Variants in GJB7 observed in about 807,000 individuals in gnomAD.
GJB7 encodes gap junction protein beta 7.
For missense variants in GJB7, 253 were observed against 256.8 expected, an observed-to-expected ratio of 0.99 and a Z score of 0.10; for synonymous variants, 87 against 95.2, an observed-to-expected ratio of 0.91 and a Z score of 0.50.
At chr6:87,314,231 A>C (rs1159607262) in intron 2 of GJB7, among the ~76,000 whole-genome samples, 2 of 152,092 alleles carry the variant, frequency 1.3e-5, no homozygotes, top group African/African-American at 4.8e-5. Context: ...TCACTGACTT[A>C]TTTGCTTCTC....
At chr6:87,299,776 G>C (rs1776294545) in intron 2 of GJB7, 1 of 162,500 alleles carries the variant, frequency 6.2e-6, no homozygotes, top group Admixed American at 6.4e-5. Flanking sequence ...TCGTAACTTA[G>C]AAAAAGTTGG....
In GJB7 at chr6:87,299,233, A is replaced by G. The variant is rs181441808; in HGVS notation, c.-27-14294T>C. 2.0e-4 allele frequency: 91 copies of G among 455,744 alleles called. No individual in the cohort carries two copies. The Admixed American group carries it at 2.2e-3, about 11-fold the overall frequency. 28.2% of individuals were successfully genotyped at this position (455,744 alleles called of 1,614,324 possible). On this transcript the variant is annotated intron_variant, in intron 2 of 2. Transcript: ENST00000525899. ...TTGCTGAACTTAAGAAGCTGTCTGA[A>G]CCATGACAACCCCTGGAGAAATTGC... is the stretch of plus-strand genomic sequence containing the variant.
At chr6:87,293,070 T>A (rs1331346586) in intron 2 of GJB7, among the ~76,000 whole-genome samples, 1 of 152,264 alleles carries the variant, frequency 6.6e-6, no homozygotes, top group Non-Finnish European at 1.5e-5. Context: ...TCTCGCTCTG[T>A]TGCTAGGCTA....
chr6:87,289,625 T>C (rs1257086570), intron 2 of GJB7, among the ~76,000 whole-genome samples: 2 of 152,202 alleles, frequency 1.3e-5, no homozygotes, highest in Non-Finnish European at 2.9e-5. Context: ...TTAGAATAGA[T>C]TGAGTAAACA....
intron 2 of GJB7, among the ~76,000 whole-genome samples, chr6:87,306,823 C>T (rs971260807): frequency 6.6e-6 from 1 of 152,176 alleles, no homozygotes; most frequent in African/African-American, 2.4e-5. Context: ...GGCACATATA[C>T]ACCATGGAAT....
chr6:87,305,270 G>C (rs1776405709), intron 2 of GJB7, among the ~76,000 whole-genome samples: 1 of 151,992 alleles, frequency 6.6e-6, no homozygotes, highest in Non-Finnish European at 1.5e-5. Context: ...TGTATATCTA[G>C]AAAACCCCAT....
rs781423994 is a variant in GJB7 at position 87,284,591 on chromosome 6, T to C, written c.322A>G (p.Lys108Glu). ...ATTGTACCTGGGCTGACATAGAGTT[T>C]CTTTCTGTGCCTTTTCTCTCTACCC... The part of the protein sequence containing the change: ...HEGREKRHRK[K>E]LYVSPGTMDG... The change falls in exon 3 of 3, where the codon AAA becomes GAA. Residue 108 changes from lysine (K) to glutamate (E), a missense_variant. Lys to Glu is a moderately conservative substitution (Grantham distance 56). Transcript: ENST00000525899. 2.5e-6 allele frequency: 4 copies of C among 1,614,164 alleles called. No individual in the cohort carries two copies. Among genetic ancestry groups the C allele is most frequent in the Non-Finnish European group, 3.4e-6 (4 of 1,180,020 alleles).
Position 87,284,940 on chromosome 6 carries a change from CT to C in GJB7, c.-27-2del, listed in dbSNP as rs762139321. ...CTTAGGCTCAAAAGAAGGCAAGACT[CT>C]GCAAAATAAGACAATTTCATCAGGA... On this transcript the variant is annotated splice_acceptor_variant, in intron 2 of 2. Coordinates refer to ENST00000525899, the MANE Select transcript of GJB7 (RefSeq NM_198568.3). LOFTEE classifies it low-confidence loss of function (5UTR_SPLICE). 1 of 1,555,850 alleles carries C rather than the reference CT, an allele frequency of 6.4e-7. No homozygotes were observed. Among genetic ancestry groups the C allele is most frequent in the South Asian group, 1.1e-5 (1 of 87,418 alleles).
At chr6:87,299,395 G>A in intron 2 of GJB7, 1 of 490,396 alleles carries the variant, frequency 2.0e-6, no homozygotes, top group Non-Finnish European at 4.1e-6. Flanking sequence ...AATTATTAAA[G>A]GCATAAAGTT....
At chr6:87,314,655 T>C (rs914298520) in intron 2 of GJB7, among the ~76,000 whole-genome samples, 1 of 152,156 alleles carries the variant, frequency 6.6e-6, no homozygotes, top group African/African-American at 2.4e-5. Context: ...AAGTGGCCCC[T>C]CAGGGTCTAT....
intron 2 of GJB7, among the ~76,000 whole-genome samples, chr6:87,320,192 T>C (rs1276031703): frequency 6.6e-6 from 1 of 152,216 alleles, no homozygotes; most frequent in Admixed American, 6.5e-5. Flanking sequence ...GTAACATAAA[T>C]GATAAATCCT....
intron 2 of GJB7, among the ~76,000 whole-genome samples, chr6:87,290,148 A>G (rs933586243): frequency 6.6e-6 from 1 of 152,126 alleles, no homozygotes; most frequent in African/African-American, 2.4e-5. Flanking sequence ...TACAACCTTC[A>G]TTTTAGTGAT....
intron 2 of GJB7, among the ~76,000 whole-genome samples, chr6:87,301,252 C>T (rs1348951599): frequency 1.3e-5 from 2 of 152,172 alleles, no homozygotes; most frequent in East Asian, 3.9e-4. Flanking sequence ...CCGGGAAGCA[C>T]AAGGGGTCAG....
intron 2 of GJB7, among the ~76,000 whole-genome samples, chr6:87,312,230 C>CAA (rs1776520042): frequency 6.6e-6 from 1 of 151,846 alleles, no homozygotes; most frequent in Non-Finnish European, 1.5e-5. Flanking sequence ...TGGAGGTGGT[C>CAA]GGGCCGGGTG....
chr6:87,327,292 GA>G (rs1314281251), intron 1 of GJB7, among the ~76,000 whole-genome samples: 13 of 150,440 alleles, frequency 8.6e-5, no homozygotes, highest in African/African-American at 3.2e-4. Flanking sequence ...TGTTATGTGT[GA>G]ATTTGATCCT....
rs143232658 is a variant in GJB7 at position 87,326,204 on chromosome 6, G to T, written c.-206+2934C>A. ...AGCGGTCTATCAATTTTGTTGATCC[G>T]TTCAAAAAACCAGCTCCTGGATTCA... On this transcript the variant is annotated intron_variant, in intron 1 of 2. Transcript: ENST00000525899. Among the ~76,000 whole-genome samples, 1,301 of 152,028 alleles carry T rather than the reference G, an allele frequency of 8.6e-3. 17 individuals carry two copies. The highest frequency in any genetic ancestry group is 0.028 in the African/African-American group (1,170 of 41,476).
chr6:87,302,155 G>C (rs1363807765), intron 2 of GJB7, among the ~76,000 whole-genome samples: 1 of 152,340 alleles, frequency 6.6e-6, no homozygotes, highest in Non-Finnish European at 1.5e-5. Context: ...CTCCTCACCA[G>C]CAATGCAACA....
chr6:87,302,249 G>A lies in GJB7; in HGVS notation c.-27-17310C>T, dbSNP rs145692735. 1.2e-4 allele frequency among the ~76,000 whole-genome samples: 18 copies of A among 152,112 alleles called. No homozygotes were observed. The East Asian group carries it at 2.3e-3, about 20-fold the overall frequency. ...TTCTCCAAGCTAAAGGAGGAAGTTC[G>A]AATGCATCGCAAAGAAGCTAAAAGC... On this transcript the variant is annotated intron_variant, in intron 2 of 2. Coordinates refer to ENST00000525899, the MANE Select transcript of GJB7 (RefSeq NM_198568.3).
Position 87,304,425 on chromosome 6 carries a change from A to G in GJB7, c.-28+18441T>C, listed in dbSNP as rs544610180. 3.9e-5 allele frequency among the ~76,000 whole-genome samples: 6 copies of G among 152,366 alleles called. No individual in the cohort carries two copies. In the East Asian group the frequency reaches 1.2e-3, roughly 29 times the overall value. On this transcript the variant is annotated intron_variant, in intron 2 of 2. Coordinates refer to ENST00000525899, the MANE Select transcript of GJB7 (RefSeq NM_198568.3). ...TATACAAATAAACTAGAAAATCTAG[A>G]AGAAATGGATAAATTTCTGGACACA...
Sources: gnomAD v4.1 joint callset for allele counts (sites outside exome capture counted in the v4.1 genomes callset) on GRCh38, gnomAD v4.1.1 for gene constraint, MANE v1.5 for transcripts, NCBI Gene and HGNC (gene_info 2026-07-23, HGNC 2026-07-21) for gene names.